The following LRP1B variants were observed in gnomAD, a reference collection of about 807,000 sequenced individuals.
The protein encoded by LRP1B is low-density lipoprotein receptor-related protein 1B.
A neutral mutation model predicts 556.6 loss-of-function variants in LRP1B; 217 were observed. That is an observed-to-expected ratio of 0.39 (90% confidence interval 0.35 to 0.44). The LOEUF (loss-of-function observed/expected upper bound fraction) is 0.44, where lower values mean the gene tolerates loss of function less well. Ranked by LOEUF, LRP1B falls within the 20% of genes least tolerant of loss-of-function variation. LRP1B has a pLI of 1.00. For missense variants in LRP1B, 5,053 were observed against 5,620.8 expected, an observed-to-expected ratio of 0.90 and a Z score of 3.23; for synonymous variants, 2,047 against 1,865.8, an observed-to-expected ratio of 1.10 and a Z score of -2.50.
At position 141,935,320 on chromosome 2, in the gene LRP1B, CAT is replaced by C. The variant is rs1033268768; in HGVS notation, c.83-124921_83-124920del. ...CATTAAAAGTAAGATAAAACTACCA[CAT>C]GTGACCAAAAAGTATAAAATATGAA... On this transcript the variant is annotated intron_variant, in intron 1 of 90. Transcript: ENST00000389484. Among the ~76,000 whole-genome samples the C allele has an allele frequency of 8.5e-5, 13 of 152,092 alleles. 1 individual carries two copies. Among genetic ancestry groups the C allele is most frequent in the African/African-American group, 2.4e-5 (1 of 41,438 alleles).
At chr2:140,792,866 C>T (rs1270367483) in intron 32 of LRP1B, among the ~76,000 whole-genome samples, 1 of 151,902 alleles carries the variant, frequency 6.6e-6, no homozygotes. Flanking sequence ...CCTAGAAATG[C>T]TACATCTATC....
chr2:140,522,204 A>C (rs944945314), intron 49 of LRP1B, among the ~76,000 whole-genome samples: 3 of 152,012 alleles, frequency 2.0e-5, no homozygotes, highest in African/African-American at 7.2e-5. Flanking sequence ...GTCTCAATAA[A>C]TTTTTTAAAA....
At chr2:140,936,324 A>G (rs1248229006) in intron 20 of LRP1B, among the ~76,000 whole-genome samples, 1 of 133,202 alleles carries the variant, frequency 7.5e-6, no homozygotes, top group Non-Finnish European at 1.6e-5. Flanking sequence ...TGGTTGACAG[A>G]GGGAGACTCC....
At chr2:140,764,674 A>G (rs568695407) in intron 35 of LRP1B, among the ~76,000 whole-genome samples, 3 of 152,288 alleles carry the variant, frequency 2.0e-5, no homozygotes, top group Admixed American at 1.3e-4. Context: ...AATTGATCAG[A>G]AAGTAGAGTT....
intron 37 of LRP1B, among the ~76,000 whole-genome samples, chr2:140,705,276 C>T (rs1202365739): frequency 1.3e-5 from 2 of 151,970 alleles, no homozygotes; most frequent in African/African-American, 4.8e-5. Flanking sequence ...GTAATACTAA[C>T]ACTTTGGGAG....
At chr2:141,293,449 A>G (rs1455268438) in intron 3 of LRP1B, among the ~76,000 whole-genome samples, 2 of 152,210 alleles carry the variant, frequency 1.3e-5, no homozygotes, top group African/African-American at 4.8e-5. Context: ...CCTGTCTTGA[A>G]GAGCTGCTAT....
chr2:140,964,837 C>T (rs1315563044), intron 18 of LRP1B, among the ~76,000 whole-genome samples: 1 of 152,162 alleles, frequency 6.6e-6, no homozygotes. Flanking sequence ...TGGCTTGCCA[C>T]CCACAACCTG....
chr2:140,664,371 T>C (rs1331261482), intron 41 of LRP1B, among the ~76,000 whole-genome samples: 2 of 152,082 alleles, frequency 1.3e-5, no homozygotes, highest in African/African-American at 2.4e-5. Flanking sequence ...CTTCTATCTA[T>C]CTTGAAGAAA....
At chr2:140,843,312 T>C (rs1002660018) in intron 29 of LRP1B, among the ~76,000 whole-genome samples, 4 of 152,088 alleles carry the variant, frequency 2.6e-5, no homozygotes, top group African/African-American at 9.7e-5. Flanking sequence ...CCAGCTTTAA[T>C]ATTACAATAG....
At chr2:140,983,319 G>A (rs1035564818) in intron 17 of LRP1B, among the ~76,000 whole-genome samples, 5 of 152,204 alleles carry the variant, frequency 3.3e-5, no homozygotes, top group South Asian at 4.1e-4. Flanking sequence ...TTGTGGATAG[G>A]TGAGGCTTGA....
chr2:142,093,134 C>T (rs1487624817), intron 1 of LRP1B, among the ~76,000 whole-genome samples: 1 of 152,060 alleles, frequency 6.6e-6, no homozygotes, highest in Non-Finnish European at 1.5e-5. Context: ...GCTTTGAAGT[C>T]TTTCTCCATC....
intron 41 of LRP1B, among the ~76,000 whole-genome samples, chr2:140,696,461 T>C (rs1358598819): frequency 6.6e-6 from 1 of 152,210 alleles, no homozygotes; most frequent in Non-Finnish European, 1.5e-5. Context: ...CACTACTTTA[T>C]ATCTATAATT....
chr2:140,748,615 A>ATATATATATATT (rs1688435734), intron 35 of LRP1B, among the ~76,000 whole-genome samples: 1 of 118,120 alleles, frequency 8.5e-6, no homozygotes, highest in Non-Finnish European at 1.7e-5. Context: ...ATATATATAT[A>ATATATATATATT]TATATATATA....
At chr2:142,125,985 T>C (rs1410019277) in intron 1 of LRP1B, among the ~76,000 whole-genome samples, 2 of 151,898 alleles carry the variant, frequency 1.3e-5, no homozygotes, top group Non-Finnish European at 3.0e-5. Context: ...TAGACATAGA[T>C]ATTTTCTCAT....
At chr2:140,671,464 T>G (rs1327783884) in intron 41 of LRP1B, among the ~76,000 whole-genome samples, 1 of 152,172 alleles carries the variant, frequency 6.6e-6, no homozygotes, top group Non-Finnish European at 1.5e-5. Context: ...GAGCTTGCAG[T>G]GAGCCAAGAT....
At chr2:140,341,902 A>T (rs1273290347) in intron 77 of LRP1B, among the ~76,000 whole-genome samples, 1 of 151,378 alleles carries the variant, frequency 6.6e-6, no homozygotes, top group African/African-American at 2.4e-5. Flanking sequence ...TCTGGGGTGG[A>T]TAGACAAAAC....
intron 31 of LRP1B, among the ~76,000 whole-genome samples, chr2:140,822,375 C>A (rs1188943621): frequency 6.6e-6 from 1 of 152,174 alleles, no homozygotes; most frequent in East Asian, 1.9e-4. Context: ...TCTTTAGTGA[C>A]ACATACTCAT....
intron 20 of LRP1B, among the ~76,000 whole-genome samples, chr2:140,949,961 A>T (rs796571466): frequency 1.1e-5 from 1 of 90,920 alleles, no homozygotes; most frequent in East Asian, 4.1e-4. Flanking sequence ...AAAAAAAAAA[A>T]AAAGAAAAAA....
At chr2:141,320,754 C>G (rs1214539444) in intron 3 of LRP1B, among the ~76,000 whole-genome samples, 1 of 152,102 alleles carries the variant, frequency 6.6e-6, no homozygotes, top group African/African-American at 2.4e-5. Flanking sequence ...ATTCTACTTA[C>G]AGGATTCGCA....
Sources: allele counts gnomAD v4.1 joint callset (sites outside exome capture counted in the v4.1 genomes callset), GRCh38; gene constraint gnomAD v4.1.1; transcripts MANE v1.5; gene names NCBI Gene and HGNC (gene_info 2026-07-23, HGNC 2026-07-21).